The following MAGI1 variants were observed in gnomAD, a reference collection of about 807,000 sequenced individuals.
The protein encoded by MAGI1 is membrane-associated guanylate kinase, WW and PDZ domain-containing protein 1.
In MAGI1, 58 loss-of-function variants were observed where a neutral mutation model predicts 139.9. The observed-to-expected ratio is 0.41, with a 90% CI of 0.34 to 0.52. The LOEUF is 0.52. MAGI1 is among the 20% of genes least tolerant of loss of function. The probability of loss-of-function intolerance (pLI) is 0.12; values close to 1 mark genes in which losing one functional copy is unlikely to be tolerated. For missense variants in MAGI1, 1,874 were observed against 1,901.6 expected (o/e 0.99, Z 0.27); for synonymous variants, 812 against 737.9 (o/e 1.10, Z -1.63).
chr3:65,894,412 A>G (rs1559986073), intron 1 of MAGI1, among the ~76,000 whole-genome samples: 1 of 152,212 alleles, frequency 6.6e-6, no homozygotes, highest in East Asian at 1.9e-4. Context: ...GCTAGGACAC[A>G]TCCATCTTTT....
intron 2 of MAGI1, among the ~76,000 whole-genome samples, chr3:65,605,667 GGA>G (rs2082705946): frequency 6.6e-6 from 1 of 152,070 alleles, no homozygotes; most frequent in African/African-American, 2.4e-5. Context: ...AGTTAATGAA[GGA>G]GAGAGAAAAA....
intron 1 of MAGI1, among the ~76,000 whole-genome samples, chr3:65,878,219 A>G (rs2108513873): frequency 6.6e-6 from 1 of 152,304 alleles, no homozygotes; most frequent in South Asian, 2.1e-4. Context: ...AAAGTTGGAT[A>G]TAAGAATGCA....
intron 1 of MAGI1, among the ~76,000 whole-genome samples, chr3:66,026,269 C>T (rs560984839): frequency 1.3e-5 from 2 of 152,210 alleles, no homozygotes; most frequent in South Asian, 4.1e-4. Context: ...CACATCTGGC[C>T]AGAATAAAGG....
chr3:66,010,365 T>C (rs1369043166), intron 1 of MAGI1, among the ~76,000 whole-genome samples: 1 of 152,202 alleles, frequency 6.6e-6, no homozygotes, highest in Non-Finnish European at 1.5e-5. Context: ...AGGCAATAAC[T>C]TGGGCAATTC....
At chr3:65,442,568 C>G (rs1342083238) in intron 8 of MAGI1, among the ~76,000 whole-genome samples, 1 of 152,110 alleles carries the variant, frequency 6.6e-6, no homozygotes, top group Non-Finnish European at 1.5e-5. Flanking sequence ...CAGTGGTGAA[C>G]AAAAGACATG....
chr3:65,710,255 T>C (rs1409080035), intron 1 of MAGI1, among the ~76,000 whole-genome samples: 1 of 151,168 alleles, frequency 6.6e-6, no homozygotes, highest in Non-Finnish European at 1.5e-5. Flanking sequence ...GAATCACTTA[T>C]TAACCTTACA....
At chr3:65,505,911 T>C (rs967675266) in intron 2 of MAGI1, among the ~76,000 whole-genome samples, 4 of 152,166 alleles carry the variant, frequency 2.6e-5, no homozygotes, top group African/African-American at 9.6e-5. Context: ...TATTATAATT[T>C]AGCTGAGGCA....
At chr3:65,530,834 TATATACACACAC>T (rs2078674686) in intron 2 of MAGI1, among the ~76,000 whole-genome samples, 1 of 35,530 alleles carries the variant, frequency 2.8e-5, no homozygotes, top group Non-Finnish European at 6.0e-5. Flanking sequence ...TATATATATA[TATATACACACAC>T]ACACACACAT....
At chr3:65,531,694 G>A (rs1002711132) in intron 2 of MAGI1, among the ~76,000 whole-genome samples, 1 of 152,060 alleles carries the variant, frequency 6.6e-6, no homozygotes, top group African/African-American at 2.4e-5. Context: ...GAACATACAC[G>A]CCTTGGGGCC....
intron 1 of MAGI1, among the ~76,000 whole-genome samples, chr3:65,763,230 C>T (rs1276355422): frequency 1.3e-5 from 2 of 152,146 alleles, no homozygotes; most frequent in Admixed American, 6.5e-5. Context: ...ATAATTCTTA[C>T]CTTCCTTCAT....
At chr3:65,555,060 A>G (rs191499180) in intron 2 of MAGI1, among the ~76,000 whole-genome samples, 3 of 152,378 alleles carry the variant, frequency 2.0e-5, no homozygotes, top group East Asian at 1.9e-4. Context: ...TAAGATGTCA[A>G]CATTAGGGAA....
intron 7 of MAGI1, among the ~76,000 whole-genome samples, chr3:65,443,564 A>G (rs1948485183): frequency 6.6e-6 from 1 of 152,188 alleles, no homozygotes; most frequent in Admixed American, 6.5e-5. Context: ...CTAAGGTTTC[A>G]TATCAAAGGC....
rs10600844 is a variant in MAGI1, at chr3:65,804,273, TA to T, written c.314-182186del. 9.8e-3 allele frequency among the ~76,000 whole-genome samples: 1,240 copies of T among 126,392 alleles called. 15 individuals carry two copies. Among genetic ancestry groups the T allele is most frequent in the African/African-American group, 0.029 (1,007 of 34,954 alleles). 82.9% of individuals were successfully genotyped at this position (126,392 alleles called of 152,430 possible). Reference sequence around the variant, plus strand: ...ACAGAACATTTCTCAGATGGCTTAGTAAAAAAAAAAAAAAACACACACAGTG... The same window carrying T: ...ACAGAACATTTCTCAGATGGCTTAGTAAAAAAAAAAAAAACACACACAGTG... On this transcript the variant is annotated intron_variant, in intron 1 of 22. Transcript: ENST00000402939.
intron 5 of MAGI1, among the ~76,000 whole-genome samples, chr3:65,463,006 A>C (rs2107544595): frequency 6.6e-6 from 1 of 152,310 alleles, no homozygotes; most frequent in Non-Finnish European, 1.5e-5. Context: ...TTACCAGCTT[A>C]AGGAGTTTTT....
intron 2 of MAGI1, among the ~76,000 whole-genome samples, chr3:65,576,094 T>C (rs1576367196): frequency 6.6e-6 from 1 of 152,172 alleles, no homozygotes; most frequent in African/African-American, 2.4e-5. Flanking sequence ...GTTTTTAGAG[T>C]CATTAGATAT....
chr3:65,454,526 T>TATA lies in MAGI1; in HGVS notation c.960-1189_960-1187dup, dbSNP rs35819390. ...TGCACATGTACCCTAAAACTGAAAGTATAATAATAATAATAATAATAATAA... is the reference window on the plus strand; with the variant it reads ...TGCACATGTACCCTAAAACTGAAAGTATAATAATAATAATAATAATAATAATAA... On this transcript the variant is annotated intron_variant, in intron 5 of 22. Transcript: ENST00000402939. 3.0e-3 allele frequency among the ~76,000 whole-genome samples: 247 copies of TATA among 83,102 alleles called. 2 individuals are homozygous for TATA. Among genetic ancestry groups the TATA allele is most frequent in the African/African-American group, 0.021 (231 of 11,250 alleles). 54.5% of individuals were successfully genotyped at this position (83,102 alleles called of 152,430 possible). A position where few individuals can be genotyped will look rare whatever the true frequency, so the allele number is the denominator to read the frequency against.
chr3:65,869,732 C>T (rs1210058539), intron 1 of MAGI1, among the ~76,000 whole-genome samples: 1 of 152,058 alleles, frequency 6.6e-6, no homozygotes, highest in South Asian at 2.1e-4. Flanking sequence ...ATTCCAAGGG[C>T]CTACAACAGA....
chr3:65,540,160 A>G (rs2079143854), intron 2 of MAGI1, among the ~76,000 whole-genome samples: 1 of 152,226 alleles, frequency 6.6e-6, no homozygotes, highest in Non-Finnish European at 1.5e-5. Context: ...AACTTATGCT[A>G]TATGTTATGT....
intron 2 of MAGI1, among the ~76,000 whole-genome samples, chr3:65,574,383 C>T (rs1319997793): frequency 7.6e-6 from 1 of 131,314 alleles, no homozygotes; most frequent in Non-Finnish European, 1.6e-5. Context: ...ATGACAGCAA[C>T]AAAATATATA....
Sources: gnomAD v4.1 joint callset for allele counts (sites outside exome capture counted in the v4.1 genomes callset) on GRCh38, gnomAD v4.1.1 for gene constraint, MANE v1.5 for transcripts, NCBI Gene and HGNC (gene_info 2026-07-23, HGNC 2026-07-21) for gene names.